The following MAGEA11 variants were observed in gnomAD, a reference collection of about 807,000 sequenced individuals.
MAGEA11 encodes the protein melanoma-associated antigen 11.
Under a neutral mutation model 8.4 loss-of-function variants are expected in MAGEA11, and 1 was observed. The ratio of observed to expected loss-of-function variants is 0.12; its 90% CI spans 0.04 to 0.57. The LOEUF (loss-of-function observed/expected upper bound fraction) is 0.57, where lower values mean the gene tolerates loss of function less well. Among genes scored for constraint, MAGEA11 ranks in the 20% least tolerant of loss-of-function variants. MAGEA11 has a pLI of 0.91. For synonymous variants in MAGEA11, 127 were observed against 119.3 expected (o/e 1.06, Z -0.42); for missense variants, 209 against 317.3 (o/e 0.66, Z 2.59).
chrX:149,705,732 T>C (rs782028324), intron 1 of MAGEA11, among the ~76,000 whole-genome samples: 2 of 111,701 alleles, frequency 1.8e-5, no homozygotes, highest in East Asian at 5.7e-4. Flanking sequence ...GACCTTCCCA[T>C]GTATGGGCAC....
chrX:149,710,939 A>T (rs1352158720), upstream of MAGEA11, among the ~76,000 whole-genome samples: 1 of 111,850 alleles, frequency 8.9e-6, no homozygotes, highest in Non-Finnish European at 1.9e-5. Context: ...AATACTTGTG[A>T]TTGGCGGGGA....
chrX:149,701,640 C>G (rs1349763563), intron 1 of MAGEA11, among the ~76,000 whole-genome samples: 1 of 109,919 alleles, frequency 9.1e-6, no homozygotes, highest in African/African-American at 3.3e-5. Context: ...AAGTCCTTGT[C>G]CATGCCTCTG....
At chrX:149,696,581 G>A (rs782364622) in intron 1 of MAGEA11, among the ~76,000 whole-genome samples, 3 of 110,901 alleles carry the variant, frequency 2.7e-5, no homozygotes, top group African/African-American at 6.6e-5. Context: ...GGGCAAATCC[G>A]AGGGAGGAGG....
chrX:149,702,160 G>A (rs2090357035), intron 1 of MAGEA11, among the ~76,000 whole-genome samples: 1 of 111,733 alleles, frequency 8.9e-6, no homozygotes, highest in African/African-American at 3.2e-5. Context: ...TGTTTTGGGT[G>A]CTGTGTTCTA....
intron 1 of MAGEA11, among the ~76,000 whole-genome samples, chrX:149,691,730 T>C (rs2087841048): frequency 8.9e-6 from 1 of 112,296 alleles, no homozygotes; most frequent in Non-Finnish European, 1.9e-5. Flanking sequence ...TCCTCTTCAT[T>C]ATTTTGTTCT....
intron 1 of MAGEA11, among the ~76,000 whole-genome samples, chrX:149,699,318 AG>A (rs1557360808): frequency 9.0e-6 from 1 of 111,722 alleles, no homozygotes; most frequent in East Asian, 2.8e-4. Context: ...GATTGCTTGG[AG>A]GAGGGGTCCC....
intron 1 of MAGEA11, among the ~76,000 whole-genome samples, chrX:149,704,568 C>T (rs2090368090): frequency 8.9e-6 from 1 of 112,175 alleles, no homozygotes; most frequent in East Asian, 2.8e-4. Context: ...ATGGTGGAGC[C>T]TGAAGCAGGC....
intron 1 of MAGEA11, among the ~76,000 whole-genome samples, chrX:149,692,124 G>A (rs1482837215): frequency 8.9e-6 from 1 of 111,760 alleles, no homozygotes; most frequent in African/African-American, 3.3e-5. Context: ...TGGAGCTGTA[G>A]GGCCAGGAGC....
At chrX:149,693,176 A>AT (rs1401467133) in intron 1 of MAGEA11, among the ~76,000 whole-genome samples, 1 of 111,981 alleles carries the variant, frequency 8.9e-6, no homozygotes, top group Non-Finnish European at 1.9e-5. Flanking sequence ...CTAGTTATTA[A>AT]TTTTTTTGTA....
At chrX:149,689,588 A>T (rs1194001183) in intron 1 of MAGEA11, among the ~76,000 whole-genome samples, 1 of 112,418 alleles carries the variant, frequency 8.9e-6, no homozygotes, top group Non-Finnish European at 1.9e-5. Context: ...GTGGGCCCTG[A>T]TGCCTTACCT....
chrX:149,703,055 C>A (rs997238543), intron 1 of MAGEA11, among the ~76,000 whole-genome samples: 1 of 111,400 alleles, frequency 9.0e-6, no homozygotes, highest in African/African-American at 3.3e-5. Context: ...CAGGCCTAGA[C>A]TAGAGCAATG....
intron 1 of MAGEA11, among the ~76,000 whole-genome samples, chrX:149,697,672 G>A (rs1569561345): frequency 9.0e-6 from 1 of 110,807 alleles, no homozygotes; most frequent in Non-Finnish European, 1.9e-5. Flanking sequence ...AAAAAAAAAT[G>A]GTTTTGTGTG....
rs1557362435 is a variant in MAGEA11, at chrX:149,715,939, C to T, written c.453C>T (p.Phe151=). The T allele has an allele frequency of 5.8e-6, 7 of 1,211,538 alleles. No individual in the cohort carries two copies. Among genetic ancestry groups the T allele is most frequent in the Non-Finnish European group, 7.8e-6 (7 of 895,467 alleles). ...LQAEEQEAAF[F]SSTLNVGTLE... ...CTGAGGAGCAGGAGGCTGCCTTCTT[C>T]TCCTCTACTCTGAATGTGGGCACTC... Residue 151 remains phenylalanine, a synonymous_variant, in exon 5 of 5, where the codon TTC becomes TTT. Coordinates refer to ENST00000355220, the MANE Select transcript of MAGEA11 (RefSeq NM_005366.5).
upstream of MAGEA11, among the ~76,000 whole-genome samples, chrX:149,709,433 G>A (rs781787684): frequency 8.9e-6 from 1 of 111,815 alleles, no homozygotes; most frequent in Non-Finnish European, 1.9e-5. Flanking sequence ...CAAATAATTA[G>A]AACTCATTGC....
Position 149,716,980 on chromosome X carries a change from C to T in MAGEA11, c.*204C>T, listed in dbSNP as rs999690721. 2.9e-6 allele frequency: 1 copy of T among 349,928 alleles called. No homozygotes were observed. The highest frequency in any genetic ancestry group is 4.9e-6 in the Non-Finnish European group (1 of 202,283). The allele number at this position is 349,928 out of a possible 1,213,427, so 28.8% of individuals were successfully genotyped here. A position where few individuals can be genotyped will look rare whatever the true frequency, so the allele number is the denominator to read the frequency against. On this transcript the variant is annotated 3_prime_UTR_variant, in exon 5 of 5. Coordinates refer to ENST00000355220, the MANE Select transcript of MAGEA11 (RefSeq NM_005366.5). Reference sequence around the variant, plus strand: ...TACTGCCTTTAGGTTTCTCTTCCATCGGGTGACTTGGAGATTTCTTTTTGT... The same window carrying T: ...TACTGCCTTTAGGTTTCTCTTCCATTGGGTGACTTGGAGATTTCTTTTTGT...
chrX:149,695,710 T>C lies in MAGEA11; in HGVS notation c.9+6726T>C, dbSNP rs188258857. Among the ~76,000 whole-genome samples, 9 of 112,604 alleles carry C rather than the reference T, an allele frequency of 8.0e-5. No homozygotes were observed. In the East Asian group the frequency reaches 2.5e-3, roughly 31 times the overall value. ...ACCTAAATGAGATACTATTTCATAC[T>C]AACTACAATGGCTGCAATAAAAATG... On this transcript the variant is annotated intron_variant, in intron 1 of 3. Coordinates refer to the MAGEA11 transcript ENST00000333104.
At chrX:149,700,042 G>A (rs1213400233) in intron 1 of MAGEA11, among the ~76,000 whole-genome samples, 1 of 111,882 alleles carries the variant, frequency 8.9e-6, no homozygotes, top group Non-Finnish European at 1.9e-5. Flanking sequence ...AACAGCATGG[G>A]GGGACCCTCC....
upstream of MAGEA11, among the ~76,000 whole-genome samples, chrX:149,708,808 G>C (rs1252495205): frequency 5.4e-5 from 6 of 111,001 alleles, no homozygotes; most frequent in African/African-American, 2.0e-4. Flanking sequence ...TGAGACGTGG[G>C]GTAGGTAGAA....
At chrX:149,701,970 C>T (rs1375875351) in intron 1 of MAGEA11, among the ~76,000 whole-genome samples, 3 of 111,797 alleles carry the variant, frequency 2.7e-5, no homozygotes, top group African/African-American at 6.5e-5. Flanking sequence ...GTTACCGTAG[C>T]CTTGTAGTAT....
Sources: allele counts gnomAD v4.1 joint callset (sites outside exome capture counted in the v4.1 genomes callset), GRCh38; gene constraint gnomAD v4.1.1; transcripts MANE v1.5; gene names NCBI Gene and HGNC (gene_info 2026-07-23, HGNC 2026-07-21).